ANKS1B: variants seen among roughly 807,000 people sequenced by gnomAD.
The protein encoded by ANKS1B is ankyrin repeat and sterile alpha motif domain containing 1B, also known as ankyrin repeat and sterile alpha motif domain-containing protein 1B.
ANKS1B carries 36 observed loss-of-function variants against 148.3 expected under a neutral mutation model. The observed-to-expected ratio is 0.24, with a 90% CI of 0.19 to 0.32. ANKS1B has a LOEUF of 0.32. Among genes scored for constraint, ANKS1B ranks in the 10% least tolerant of loss-of-function variants. ANKS1B has a pLI of 1.00. For missense variants in ANKS1B, 1,157 were observed against 1,542.6 expected, an observed-to-expected ratio of 0.75 and a Z score of 4.19; for synonymous variants, 542 against 560.8, an observed-to-expected ratio of 0.97 and a Z score of 0.47.
intron 1 of ANKS1B, among the ~76,000 whole-genome samples, chr12:99,950,113 ATTTTTTTTTTT>A (rs35287842): frequency 1.1e-5 from 1 of 90,550 alleles, no homozygotes; most frequent in African/African-American, 5.0e-5. Context: ...TGCTCAGTTA[ATTTTTTTTTTT>A]TTTTTTTTTT....
At chr12:98,795,774 T>A in intron 22 of ANKS1B, 1 of 378,440 alleles carries the variant, frequency 2.6e-6, no homozygotes, top group East Asian at 7.6e-5. Context: ...GTGTGGGTAG[T>A]GGAGTGGACT....
In ANKS1B at chr12:99,402,770, G is replaced by T. The variant is rs984567796; in HGVS notation, c.1576-2959C>A. Among the ~76,000 whole-genome samples the T allele has an allele frequency of 3.4e-5, 5 of 146,198 alleles. 1 individual carries two copies. The highest frequency in any genetic ancestry group is 1.4e-4 in the Admixed American group (2 of 14,714). ...TGTCTTTCATATTGTGAATAGTGCTGCAATGAACATACGCATGACGTGTCT... is the reference window on the plus strand; with the variant it reads ...TGTCTTTCATATTGTGAATAGTGCTTCAATGAACATACGCATGACGTGTCT... On this transcript the variant is annotated intron_variant, in intron 11 of 26. Transcript: ENST00000683438.
At chr12:99,052,632 G>C (rs1599048402) in intron 17 of ANKS1B, among the ~76,000 whole-genome samples, 1 of 145,622 alleles carries the variant, frequency 6.9e-6, no homozygotes, top group Non-Finnish European at 1.5e-5. Context: ...GGAGGCTGAG[G>C]CAGGAGAATG....
chr12:99,851,318 T>C (rs181610925), intron 1 of ANKS1B, among the ~76,000 whole-genome samples: 2 of 152,236 alleles, frequency 1.3e-5, no homozygotes, highest in East Asian at 3.9e-4. Flanking sequence ...TTCTGCCTCA[T>C]ACTCCCTCAT....
At chr12:99,734,760 A>G (rs2059465447) in intron 8 of ANKS1B, among the ~76,000 whole-genome samples, 1 of 152,236 alleles carries the variant, frequency 6.6e-6, no homozygotes, top group South Asian at 2.1e-4. Flanking sequence ...ACATTACAGG[A>G]TAAGTTCCCC....
chr12:99,562,591 C>T (rs1368390312), intron 9 of ANKS1B, among the ~76,000 whole-genome samples: 2 of 152,162 alleles, frequency 1.3e-5, no homozygotes, highest in African/African-American at 2.4e-5. Context: ...GCTGGAGAGA[C>T]CTCAGGAAAC....
At chr12:98,979,397 A>G (rs2099905293) in intron 17 of ANKS1B, among the ~76,000 whole-genome samples, 1 of 151,592 alleles carries the variant, frequency 6.6e-6, no homozygotes, top group Admixed American at 6.6e-5. Context: ...CCTCCCAAGA[A>G]GCTGGGACTA....
chr12:99,459,246 TAA>T (rs386765689), intron 10 of ANKS1B, among the ~76,000 whole-genome samples: 3 of 151,784 alleles, frequency 2.0e-5, no homozygotes, highest in African/African-American at 7.2e-5. Context: ...AAAATTAGCA[TAA>T]AGGTCATTCG....
At chr12:99,246,244 T>C (rs759011166) in intron 13 of ANKS1B, 31 bp downstream of exon 13, 7 of 1,493,238 alleles carry the variant, frequency 4.7e-6, no homozygotes, top group African/African-American at 1.4e-5. Context: ...CAAAGCCTTA[T>C]AGGATGAACA....
chr12:99,065,559 T>A, intron 16 of ANKS1B, among the ~76,000 whole-genome samples: 1 of 151,812 alleles, frequency 6.6e-6, no homozygotes, highest in South Asian at 2.1e-4. Flanking sequence ...CTTAGGGAGT[T>A]ACAAAAATGA....
At chr12:99,983,410 T>G (rs1320971230) in intron 1 of ANKS1B, among the ~76,000 whole-genome samples, 1 of 152,090 alleles carries the variant, frequency 6.6e-6, no homozygotes, top group African/African-American at 2.4e-5. Flanking sequence ...TACGACATCT[T>G]CACGTTAAAA....
intron 17 of ANKS1B, among the ~76,000 whole-genome samples, chr12:98,883,782 T>C (rs1321367223): frequency 6.6e-6 from 1 of 152,176 alleles, no homozygotes; most frequent in Non-Finnish European, 1.5e-5. Flanking sequence ...TAAATATATA[T>C]AAAGTGCATA....
At chr12:99,931,370 G>C (rs185160358) in intron 1 of ANKS1B, among the ~76,000 whole-genome samples, 1 of 152,050 alleles carries the variant, frequency 6.6e-6, no homozygotes, top group African/African-American at 2.4e-5. Flanking sequence ...AAAAGAGAAT[G>C]ACAGAGGGAT....
intron 17 of ANKS1B, among the ~76,000 whole-genome samples, chr12:98,948,493 T>C (rs1430679605): frequency 1.3e-5 from 2 of 152,216 alleles, no homozygotes; most frequent in African/African-American, 4.8e-5. Flanking sequence ...ATTCTTATTG[T>C]TATGCTGTAC....
chr12:99,554,356 C>T (rs2097254740), intron 9 of ANKS1B, among the ~76,000 whole-genome samples: 1 of 152,080 alleles, frequency 6.6e-6, no homozygotes, highest in African/African-American at 2.4e-5. Flanking sequence ...TTTTTTAAAC[C>T]ATGAAATGCT....
intron 1 of ANKS1B, among the ~76,000 whole-genome samples, chr12:99,871,959 C>CA (rs1343740580): frequency 1.3e-5 from 2 of 151,754 alleles, no homozygotes; most frequent in African/African-American, 4.8e-5. Context: ...AAATTGAATA[C>CA]AAAAAACACT....
At chr12:98,858,122 C>T (rs751273369) in intron 17 of ANKS1B, among the ~76,000 whole-genome samples, 106 of 152,128 alleles carry the variant, frequency 7.0e-4, no homozygotes, top group Non-Finnish European at 1.3e-3. Flanking sequence ...CCTCCTCCGC[C>T]CCCATCCCCA....
chr12:98,768,606 T>C (rs1041713728), intron 25 of ANKS1B, among the ~76,000 whole-genome samples: 32 of 150,836 alleles, frequency 2.1e-4, no homozygotes, highest in Middle Eastern at 3.2e-3. Context: ...TGCTGGCGGG[T>C]GCCTGTAGTC....
intron 12 of ANKS1B, among the ~76,000 whole-genome samples, chr12:99,315,507 A>G (rs2083908319): frequency 6.6e-6 from 1 of 152,202 alleles, no homozygotes; most frequent in African/African-American, 2.4e-5. Flanking sequence ...TCAAAACCAC[A>G]ATGAGATACC....
Sources: gnomAD v4.1 joint callset for allele counts (sites outside exome capture counted in the v4.1 genomes callset) on GRCh38, gnomAD v4.1.1 for gene constraint, MANE v1.5 for transcripts, NCBI Gene and HGNC (gene_info 2026-07-23, HGNC 2026-07-21) for gene names.